MROH1: variants seen among roughly 807,000 people sequenced by gnomAD.
MROH1 encodes the protein maestro heat-like repeat-containing protein family member 1.
A neutral mutation model predicts 116.5 loss-of-function variants in MROH1; 117 were observed. That is an observed-to-expected ratio of 1.00 (90% CI 0.86 to 1.17). The LOEUF is 1.17. MROH1 is among the 50% of genes most tolerant of loss of function. The pLI is 0.00. For synonymous variants in MROH1, 921 were observed against 583.9 expected (o/e 1.58, Z -8.32); for missense variants, 1,873 against 1,338.5 (o/e 1.40, Z -6.23).
rs933397116 is a variant in MROH1, at chr8:144,248,720, G to A, written c.3121-157G>A. ...GAAGGAGACCCCACCCCCGTGCAGCGAGCTCATTGAAGGCGCAGGGCCCAG... is the reference window on the plus strand; with the variant it reads ...GAAGGAGACCCCACCCCCGTGCAGCAAGCTCATTGAAGGCGCAGGGCCCAG... On this transcript the variant is annotated intron_variant, in intron 31 of 43. Coordinates refer to ENST00000326134, the MANE Select transcript of MROH1 (RefSeq NM_032450.3). 3.6e-4 allele frequency among the ~76,000 whole-genome samples: 55 copies of A among 152,306 alleles called. 1 individual carries two copies. Among genetic ancestry groups the A allele is most frequent in the Admixed American group, 2.7e-3 (41 of 15,312 alleles).
chr8:144,176,585 TA>T (rs1212718720), intron 4 of MROH1, among the ~76,000 whole-genome samples: 1 of 147,792 alleles, frequency 6.8e-6, no homozygotes, highest in Non-Finnish European at 1.5e-5. Context: ...CTCATGCCTA[TA>T]ATCTCAGCAC....
chr8:144,255,300 G>C (rs1323904000), intron 34 of MROH1, among the ~76,000 whole-genome samples: 1 of 152,218 alleles, frequency 6.6e-6, no homozygotes, highest in South Asian at 2.1e-4. Flanking sequence ...TCCTGTGAAG[G>C]CTGACTGCCC....
rs1355709926 is a variant in MROH1 at position 144,182,200 on chromosome 8, G to A, written c.562+1677G>A. On this transcript the variant is annotated intron_variant, in intron 7 of 43. Coordinates refer to ENST00000326134, the MANE Select transcript of MROH1 (RefSeq NM_032450.3). The surrounding 1 kb of genome is among the most constrained non-coding windows in gnomAD (Gnocchi z 4.1). ...TGGCAGGCCTGCGTCCACTGCGGGA[G>A]GGTGCAGGTCCAGCCAGGACAGGCA... is the stretch of plus-strand genomic sequence containing the variant. Among the ~76,000 whole-genome samples the A allele has an allele frequency of 1.3e-5, 2 of 152,198 alleles. No homozygotes were observed. The highest frequency in any genetic ancestry group is 2.9e-5 in the Non-Finnish European group (2 of 68,036).
intron 42 of MROH1, 21 bp from the exon 43 acceptor site, chr8:144,261,263 C>A (rs1463644105): frequency 1.9e-5 from 14 of 749,234 alleles, no homozygotes; most frequent in Admixed American, 3.5e-5. Flanking sequence ...GGCAGCCCCG[C>A]CTGATGCCCC....
rs779410907 is a variant in MROH1 at position 144,202,118 on chromosome 8, C to CCTCAGGACA, written c.1141+1579_1141+1587dup. ...CCAGGTTAAGAGTCAGGTGTAGGCACCTCAGGACACCTTCAGCGGCCCTTG... is the reference window on the plus strand; with the variant it reads ...CCAGGTTAAGAGTCAGGTGTAGGCACCTCAGGACACTCAGGACACCTTCAGCGGCCCTTG... On this transcript the variant is annotated intron_variant, in intron 12 of 43. Coordinates refer to ENST00000326134, the MANE Select transcript of MROH1 (RefSeq NM_032450.3). Among the ~76,000 whole-genome samples, 18 of 152,328 alleles carry CCTCAGGACA rather than the reference C, an allele frequency of 1.2e-4. No individual in the cohort carries two copies. The South Asian group carries it at 1.7e-3, about 14-fold the overall frequency.
rs139343568 is a variant in MROH1, at chr8:144,185,282, G to A, written c.562+4759G>A. ...CCCATCTCACTGTATGTGTCAGGCC[G>A]TTGCAAGTTTTGTCGTTACTGTGGT... On this transcript the variant is annotated intron_variant, in intron 7 of 43. Transcript: ENST00000326134. 3.8e-3 allele frequency among the ~76,000 whole-genome samples: 586 copies of A among 152,240 alleles called. 2 individuals are homozygous for A. Among genetic ancestry groups the A allele is most frequent in the African/African-American group, 0.013 (559 of 41,540 alleles).
At chr8:144,212,082 T>TTGTTTGTG (rs1429686576) in intron 12 of MROH1, among the ~76,000 whole-genome samples, 1 of 151,312 alleles carries the variant, frequency 6.6e-6, no homozygotes, top group Admixed American at 6.6e-5. Flanking sequence ...GTTTTTTTGT[T>TTGTTTGTG]TGTTTGTTTG....
chr8:144,203,339 C>T (rs918898914), intron 12 of MROH1, among the ~76,000 whole-genome samples: 8 of 130,224 alleles, frequency 6.1e-5, no homozygotes, highest in Non-Finnish European at 9.8e-5. Flanking sequence ...AGGGGAGCGC[C>T]GGCTCTCTGT....
At chr8:144,255,112 C>G (rs1397117531) in intron 34 of MROH1, 134 bp downstream of exon 34, 9 of 609,884 alleles carry the variant, frequency 1.5e-5, no homozygotes, top group Non-Finnish European at 2.6e-5. Context: ...GGGCTGGGAG[C>G]TCTGAGCTCA....
chr8:144,202,248 C>T (rs1166108552), intron 12 of MROH1, among the ~76,000 whole-genome samples: 1 of 147,774 alleles, frequency 6.8e-6, no homozygotes, highest in African/African-American at 2.5e-5. Context: ...GGGGGAGAGC[C>T]TGCTGTCTGT....
In MROH1 at chr8:144,239,310, C is replaced by T. The variant is rs1026383119; in HGVS notation, c.1592-13C>T. 3,979 of 780,412 alleles carry T rather than the reference C, an allele frequency of 5.1e-3. 153 individuals carry two copies. Among genetic ancestry groups the T allele is most frequent in the South Asian group, 0.048 (3,586 of 74,602 alleles). The allele number at this position is 780,412 out of a possible 1,614,324, so 48.3% of individuals were successfully genotyped here. Reference sequence around the variant, plus strand: ...GCAGCCCCCCACTGACTATTTCCACCTCTCATCTCCAGCGAGCCTCCCGTC... The same window carrying T: ...GCAGCCCCCCACTGACTATTTCCACTTCTCATCTCCAGCGAGCCTCCCGTC... On this transcript the variant is annotated splice_polypyrimidine_tract_variant and intron_variant, in intron 16 of 43. Transcript: ENST00000326134.
At position 144,223,222 on chromosome 8, in the gene MROH1, G is replaced by T; in HGVS notation, c.1330G>T (p.Glu444Ter). 6.2e-7 allele frequency: 1 copy of T among 1,603,148 alleles called. No individual in the cohort carries two copies. Among genetic ancestry groups the T allele is most frequent in the East Asian group, 2.3e-5 (1 of 44,414 alleles). Residue 444 changes from glutamate (E) to a stop codon, truncating the protein, a stop_gained, in exon 14 of 44, where the codon GAG (glutamate) becomes TAG (stop). Transcript: ENST00000326134. LOFTEE classifies it high-confidence loss of function. ...CGTGCAGCAGTGCGCGCTGCCCCCC[G>T]AGCAGGAGGTAAGGGGCTGCCACCT... ...YIVQQCALPPEQEPEKPGPGS... is the reference protein window; with the variant it reads ...YIVQQCALPP
At chr8:144,162,102 T>TC (rs1819681419) in intron 2 of MROH1, among the ~76,000 whole-genome samples, 1 of 145,364 alleles carries the variant, frequency 6.9e-6, no homozygotes, top group Admixed American at 6.7e-5. Flanking sequence ...TTTTTTTTTT[T>TC]AAGACAGAGT....
chr8:144,184,872 T>C (rs1044735033), intron 7 of MROH1, among the ~76,000 whole-genome samples: 1 of 152,190 alleles, frequency 6.6e-6, no homozygotes, highest in Non-Finnish European at 1.5e-5. Context: ...CCAGACCTGT[T>C]CCCTGGAGCC....
intron 1 of MROH1, among the ~76,000 whole-genome samples, chr8:144,151,253 A>C (rs1486388805): frequency 4.8e-4 from 72 of 149,904 alleles, no homozygotes; most frequent in South Asian, 1.0e-3. Context: ...GTCTCAAAAA[A>C]AAAAAAAAAA....
At chr8:144,260,100 T>TG (rs1371997793) in intron 38 of MROH1, 43 bp downstream of exon 38, 10 of 739,674 alleles carry the variant, frequency 1.4e-5, no homozygotes, top group Non-Finnish European at 2.0e-5. Context: ...GCAGCATGGG[T>TG]GGGGGGCTGT....
At chr8:144,168,885 A>AGG (rs1487852040) in intron 4 of MROH1, among the ~76,000 whole-genome samples, 3 of 152,182 alleles carry the variant, frequency 2.0e-5, no homozygotes, top group Non-Finnish European at 4.4e-5. Flanking sequence ...ACCCTCAGGG[A>AGG]GGGGCTGCCC....
intron 10 of MROH1, among the ~76,000 whole-genome samples, chr8:144,196,348 C>A (rs560763898): frequency 6.6e-6 from 1 of 151,292 alleles, no homozygotes; most frequent in East Asian, 1.9e-4. Flanking sequence ...ATTTCCCCTA[C>A]GCTTTTGTTA....
intron 7 of MROH1, among the ~76,000 whole-genome samples, chr8:144,186,086 C>A (rs1564425237): frequency 6.6e-6 from 1 of 151,794 alleles, no homozygotes. Flanking sequence ...GGCTGTGTCA[C>A]CCCGGGGAAA....
Sources: allele counts gnomAD v4.1 joint callset (sites outside exome capture counted in the v4.1 genomes callset), GRCh38; gene constraint gnomAD v4.1.1; non-coding constraint Gnocchi (gnomAD v3.1); transcripts MANE v1.5; gene names NCBI Gene and HGNC (gene_info 2026-07-23, HGNC 2026-07-21).